Variants in RAD17 observed in about 807,000 individuals in gnomAD.
RAD17 encodes cell cycle checkpoint protein RAD17.
In RAD17, 31 loss-of-function variants were observed where a neutral mutation model predicts 81.5. The ratio of observed to expected loss-of-function variants is 0.38; its 90% CI spans 0.29 to 0.51. The LOEUF is 0.51. Ranked by LOEUF, RAD17 falls within the 20% of genes least tolerant of loss-of-function variation. The pLI is 0.88. For missense variants in RAD17, 681 were observed against 781.2 expected (o/e 0.87, Z 1.53); for synonymous variants, 261 against 266.2 (o/e 0.98, Z 0.19).
Position 69,414,166 on chromosome 5 carries a change from C to T in RAD17, c.1887C>T (p.Thr629=). 1 of 1,614,246 alleles carries T rather than the reference C, an allele frequency of 6.2e-7. No individual in the cohort carries two copies. Among genetic ancestry groups the T allele is most frequent in the Non-Finnish European group, 8.5e-7 (1 of 1,180,048 alleles). The change falls in exon 19 of 19, where the codon ACC becomes ACT. Residue 629 remains threonine (T), a synonymous_variant. Coordinates refer to ENST00000354868, the MANE Select transcript of RAD17 (RefSeq NM_133338.3). ...CCACTCAAGCCACTGTGCCGGAAAC[C>T]TGGTCTCTTCCTTTGAGTCAGAATA... is the stretch of plus-strand genomic sequence containing the variant. ...GEPTQATVPE[T]WSLPLSQNSA...
At chr5:69,393,326 A>T (rs1287366097) in intron 14 of RAD17, 28 bp from the exon 15 acceptor site, 1 of 1,580,350 alleles carries the variant, frequency 6.3e-7, no homozygotes. Context: ...TTTTTACCAA[A>T]TTTATGTATA....
chr5:69,414,549 G>T lies in RAD17; in HGVS notation c.*257G>T. 1.9e-6 allele frequency: 1 copy of T among 527,692 alleles called. No homozygotes were observed. 32.7% of individuals were successfully genotyped at this position (527,692 alleles called of 1,614,324 possible). On this transcript the variant is annotated 3_prime_UTR_variant, in exon 19 of 19. Coordinates refer to ENST00000354868, the MANE Select transcript of RAD17 (RefSeq NM_133338.3). ...TTAAGGAGCGGTCAGTGTGTATAAA[G>T]TGTGTTTGAACATTATGCCAAATAT...
In RAD17 at chr5:69,381,904, G is replaced by C; in HGVS notation, c.355G>C (p.Gly119Arg). 6.3e-7 allele frequency: 1 copy of C among 1,583,046 alleles called. No homozygotes were observed. The highest frequency in any genetic ancestry group is 8.6e-7 in the Non-Finnish European group (1 of 1,165,772). The change falls in exon 7 of 19, where the codon GGA becomes CGA. Residue 119 changes from glycine (G) to arginine (R), a missense_variant. By Grantham distance (125) the Gly-to-Arg change is moderately radical. Transcript: ENST00000354868. ...TCATATTTGTATTTGATTTTAGGGT[G>C]GATCTATTTTATTAATAACAGGTCC... is the stretch of plus-strand genomic sequence containing the variant. ...QVLERQPKQG[G>R]SILLITGPPG...
intron 6 of RAD17, among the ~76,000 whole-genome samples, chr5:69,380,791 A>T (rs1370452371): frequency 6.7e-6 from 1 of 148,882 alleles, no homozygotes; most frequent in Non-Finnish European, 1.5e-5. Context: ...TTTCTGAGAC[A>T]GGATCTTACT....
intron 16 of RAD17, among the ~76,000 whole-genome samples, chr5:69,398,244 T>C (rs1765025140): frequency 6.6e-6 from 1 of 152,252 alleles, no homozygotes; most frequent in East Asian, 1.9e-4. Flanking sequence ...TATATACATA[T>C]TTCAGAACAT....
Position 69,393,368 on chromosome 5 carries a change from G to T in RAD17, c.1290G>T (p.Met430Ile). Residue 430 changes from methionine to isoleucine, a missense_variant, in exon 15 of 19, where the codon ATG becomes ATT. Transcript: ENST00000354868. ...LLVEPEEVVE[M>I]SHMPGDLFNL... The stretch of plus-strand genomic sequence containing the variant: ...TCTTTTTATAGGAGGTAGTAGAAAT[G>T]TCACACATGCCTGGAGACTTATTTA... The T allele has an allele frequency of 6.3e-7, 1 of 1,592,484 alleles. No homozygotes were observed. The highest frequency in any genetic ancestry group is 8.5e-7 in the Non-Finnish European group (1 of 1,169,900).
chr5:69,383,375 TTATTAC>T (rs1441077208), intron 7 of RAD17, among the ~76,000 whole-genome samples: 5 of 151,240 alleles, frequency 3.3e-5, no homozygotes, highest in Non-Finnish European at 7.4e-5. Flanking sequence ...TTTATTATTA[TTATTAC>T]TATTATTATT....
chr5:69,382,678 A>G (rs1763930727), intron 7 of RAD17, among the ~76,000 whole-genome samples: 1 of 152,246 alleles, frequency 6.6e-6, no homozygotes, highest in South Asian at 2.1e-4. Context: ...TTGCCCCCCA[A>G]CAAGATAGCT....
At chr5:69,375,374 T>C (rs1422149432) in intron 6 of RAD17, among the ~76,000 whole-genome samples, 1 of 152,214 alleles carries the variant, frequency 6.6e-6, no homozygotes, top group Non-Finnish European at 1.5e-5. Context: ...ACAGTCATTA[T>C]TTATTTTAGA....
At chr5:69,390,804 A>G (rs1303769042) in intron 12 of RAD17, among the ~76,000 whole-genome samples, 2 of 151,754 alleles carry the variant, frequency 1.3e-5, no homozygotes, top group Admixed American at 6.6e-5. Flanking sequence ...AAAAATATAT[A>G]TATATATAGC....
At chr5:69,398,254 T>G (rs1002598302) in intron 16 of RAD17, among the ~76,000 whole-genome samples, 1 of 152,208 alleles carries the variant, frequency 6.6e-6, no homozygotes, top group African/African-American at 2.4e-5. Context: ...TTTCAGAACA[T>G]CATGTTGTAT....
At chr5:69,374,563 G>T in intron 5 of RAD17, 65 bp from the exon 6 acceptor site, 1 of 1,114,258 alleles carries the variant, frequency 9.0e-7, no homozygotes, top group South Asian at 1.4e-5. Flanking sequence ...AGGTTCATAT[G>T]TGCTGATGTA....
At chr5:69,398,478 C>T (rs2150852773) in intron 16 of RAD17, among the ~76,000 whole-genome samples, 1 of 152,142 alleles carries the variant, frequency 6.6e-6, no homozygotes, top group East Asian at 1.9e-4. Flanking sequence ...AATGAATTGC[C>T]AATCTTTAAA....
chr5:69,400,313 G>A, intron 17 of RAD17, 144 bp downstream of exon 17: 1 of 468,446 alleles, frequency 2.1e-6, no homozygotes, highest in Non-Finnish European at 3.2e-6. Flanking sequence ...TGCCTCCTGG[G>A]TTCAAGCAAT....
chr5:69,393,045 T>C, intron 13 of RAD17, 110 bp from the exon 14 acceptor site: 1 of 618,900 alleles, frequency 1.6e-6, no homozygotes, highest in South Asian at 2.6e-5. Flanking sequence ...TTTAACAGTT[T>C]GTTACTATGT....
chr5:69,401,041 T>G (rs1429289282), intron 17 of RAD17, among the ~76,000 whole-genome samples: 2 of 149,804 alleles, frequency 1.3e-5, no homozygotes, highest in African/African-American at 4.9e-5. Flanking sequence ...AAACCCCATT[T>G]CTACTAAAAA....
intron 18 of RAD17, among the ~76,000 whole-genome samples, chr5:69,410,965 C>CTCTATATATATA (rs35777347): frequency 1.1e-5 from 1 of 90,264 alleles, no homozygotes; most frequent in Non-Finnish European, 2.0e-5. Context: ...AGATGTCTGT[C>CTCTATATATATA]TATATATATA....
At chr5:69,395,314 C>T (rs934631236) in intron 15 of RAD17, among the ~76,000 whole-genome samples, 1 of 152,106 alleles carries the variant, frequency 6.6e-6, no homozygotes, top group Non-Finnish European at 1.5e-5. Flanking sequence ...AGTTTGAGAA[C>T]AGCCTGGGAA....
In RAD17 at chr5:69,374,720, G is replaced by T. The variant is rs1763232166; in HGVS notation, c.351+9G>T. ...AAAGGCAACCAAAACAGGTAACTAA[G>T]AAATGTGTTTTTAAATATTTAACAT... is the stretch of plus-strand genomic sequence containing the variant. On this transcript the variant is annotated intron_variant, in intron 6 of 18. Transcript: ENST00000354868. 1.3e-6 allele frequency: 2 copies of T among 1,586,124 alleles called. No individual in the cohort carries two copies. Among genetic ancestry groups the T allele is most frequent in the African/African-American group, 2.7e-5 (2 of 73,986 alleles).
Sources: gnomAD v4.1 joint callset for allele counts (sites outside exome capture counted in the v4.1 genomes callset) on GRCh38, gnomAD v4.1.1 for gene constraint, MANE v1.5 for transcripts, NCBI Gene and HGNC (gene_info 2026-07-23, HGNC 2026-07-21) for gene names.